Variants in FAT4 observed in about 807,000 individuals in gnomAD.
FAT4 encodes protocadherin Fat 4.
A neutral mutation model predicts 303.9 loss-of-function variants in FAT4; 84 were observed. The observed-to-expected ratio is 0.28, with a 90% confidence interval of 0.23 to 0.33. The LOEUF is 0.33. FAT4 is among the 10% of genes least tolerant of loss of function. The pLI is 1.00. For missense variants in FAT4, 6,005 were observed against 6,146.8 expected (o/e 0.98, Z 0.77); for synonymous variants, 2,307 against 2,298.8 (o/e 1.00, Z -0.10).
chr4:125,348,783 G>T (rs1037350574), intron 2 of FAT4, among the ~76,000 whole-genome samples: 3 of 151,522 alleles, frequency 2.0e-5, no homozygotes, highest in Non-Finnish European at 3.0e-5. Context: ...TTCCTAAAAG[G>T]GTGTGCTGAG....
At chr4:125,375,901 AT>A (rs570264524) in intron 2 of FAT4, among the ~76,000 whole-genome samples, 2 of 151,826 alleles carry the variant, frequency 1.3e-5, no homozygotes, top group Admixed American at 6.6e-5. Context: ...GCAAAACTGC[AT>A]TTTTTTTGCA....
rs138137489 is a variant in FAT4 at position 125,408,609 on chromosome 4, A to G, written c.5735A>G (p.Tyr1912Cys). ...RLLDYEVQQY[Y>C]ILTVRAEDGG... Reference sequence around the variant, plus strand: ...TTAGATTATGAAGTACAGCAATATTATATCCTCACTGTTCGAGCAGAAGAT... The same window carrying G: ...TTAGATTATGAAGTACAGCAATATTGTATCCTCACTGTTCGAGCAGAAGAT... The change falls in exon 5 of 18, where the codon TAT becomes TGT. Residue 1912 changes from tyrosine (Y) to cysteine (C), a missense_variant. Transcript: ENST00000394329. 35 of 1,612,864 alleles carry G rather than the reference A, an allele frequency of 2.2e-5. No individual in the cohort carries two copies. Among genetic ancestry groups the G allele is most frequent in the Non-Finnish European group, 3.0e-5 (35 of 1,179,254 alleles).
intron 16 of FAT4, among the ~76,000 whole-genome samples, chr4:125,483,893 T>G (rs144436425): frequency 6.6e-6 from 1 of 151,762 alleles, no homozygotes; most frequent in Non-Finnish European, 1.5e-5. Context: ...GATGGACTTT[T>G]ACTTATCAAT....
In FAT4 at chr4:125,317,526, A is replaced by G. The variant is rs1396930165; in HGVS notation, c.1115A>G (p.Gln372Arg). Residue 372 changes from glutamine to arginine, a missense_variant, in exon 2 of 18, where the codon CAA (glutamine) becomes CGA (arginine). Transcript: ENST00000394329. This position sits in a 1 kb window ranked among gnomAD's most constrained non-coding sequence, Gnocchi z 7.0. ...TACGCCTCGGTAGATGAGAATGCTC[A>G]AGTGGGCACCGTGGTGGCTCTGCTC... ...SRYASVDENA[Q>R]VGTVVALLTV... 1.9e-6 allele frequency: 3 copies of G among 1,613,712 alleles called. No individual in the cohort carries two copies. Among genetic ancestry groups the G allele is most frequent in the East Asian group, 2.2e-5 (1 of 44,848 alleles).
Position 125,317,502 on chromosome 4 carries a change from A to G in FAT4, c.1091A>G (p.Tyr364Cys), listed in dbSNP as rs768582019. The G allele has an allele frequency of 5.0e-6, 8 of 1,613,720 alleles. No individual in the cohort carries two copies. The highest frequency in any genetic ancestry group is 6.8e-6 in the Non-Finnish European group (8 of 1,180,020). Residue 364 changes from tyrosine (Y) to cysteine (C), a missense_variant, in exon 2 of 18, where the codon TAC becomes TGC. Transcript: ENST00000394329. This position sits in a 1 kb window ranked among gnomAD's most constrained non-coding sequence, Gnocchi z 7.0. ...CGCTACTTCCCGGCCACCTCGCGCT[A>G]CGCCTCGGTAGATGAGAATGCTCAA... ...KFRYFPATSRYASVDENAQVG... is the reference protein window; with the variant it reads ...KFRYFPATSRCASVDENAQVG...
intron 8 of FAT4, among the ~76,000 whole-genome samples, chr4:125,445,783 A>G (rs938450980): frequency 6.6e-6 from 1 of 152,168 alleles, no homozygotes; most frequent in East Asian, 1.9e-4. Flanking sequence ...AGGTCTTTGT[A>G]TAAATAATCA....
At position 125,316,204 on chromosome 4, in the gene FAT4, T is replaced by C. The variant is rs955156424; in HGVS notation, c.-12-196T>C. Among the ~76,000 whole-genome samples, 12 of 152,092 alleles carry C rather than the reference T, an allele frequency of 7.9e-5. No homozygotes were observed. Among genetic ancestry groups the C allele is most frequent in the African/African-American group, 2.9e-4 (12 of 41,414 alleles). On this transcript the variant is annotated intron_variant, in intron 1 of 17. Coordinates refer to ENST00000394329, the MANE Select transcript of FAT4 (RefSeq NM_001291303.3). This position sits in a 1 kb window ranked among gnomAD's most constrained non-coding sequence, Gnocchi z 5.7. Reference sequence around the variant, plus strand: ...CCCTGCCGCTTTTCGCCACAGCATCTCTCTTGCACTCCGCGTTCAACTGGC... The same window carrying C: ...CCCTGCCGCTTTTCGCCACAGCATCCCTCTTGCACTCCGCGTTCAACTGGC...
intron 2 of FAT4, among the ~76,000 whole-genome samples, chr4:125,336,722 G>C (rs536687942): frequency 1.3e-5 from 2 of 151,926 alleles, no homozygotes; most frequent in Middle Eastern, 6.8e-3. Context: ...TGAGTAAGTG[G>C]TCTTAGTTGT....
intron 10 of FAT4, among the ~76,000 whole-genome samples, chr4:125,456,217 A>T (rs1234494014): frequency 6.6e-6 from 1 of 152,162 alleles, no homozygotes; most frequent in Non-Finnish European, 1.5e-5. Flanking sequence ...GCTCAGGAAG[A>T]TGTTATTATT....
At chr4:125,436,394 T>G (rs537289647) in intron 8 of FAT4, among the ~76,000 whole-genome samples, 1 of 152,190 alleles carries the variant, frequency 6.6e-6, no homozygotes, top group African/African-American at 2.4e-5. Flanking sequence ...ACTCATTCAT[T>G]TAGAGATACC....
intron 3 of FAT4, among the ~76,000 whole-genome samples, chr4:125,405,582 C>T (rs1734566235): frequency 6.6e-6 from 1 of 151,822 alleles, no homozygotes; most frequent in Non-Finnish European, 1.5e-5. Context: ...GCGATCTTGG[C>T]TCACTGCAAG....
intron 10 of FAT4, among the ~76,000 whole-genome samples, chr4:125,453,957 A>G (rs1177049682): frequency 6.6e-6 from 1 of 152,302 alleles, no homozygotes; most frequent in East Asian, 1.9e-4. Flanking sequence ...CCTATCTATT[A>G]GTTAATCAGT....
intron 14 of FAT4, among the ~76,000 whole-genome samples, chr4:125,478,537 T>C (rs937462070): frequency 6.6e-6 from 1 of 152,144 alleles, no homozygotes; most frequent in Non-Finnish European, 1.5e-5. Flanking sequence ...GTTTGTTTGT[T>C]TGTTTGCTTT....
chr4:125,457,864 T>G (rs7696523), intron 10 of FAT4, among the ~76,000 whole-genome samples: 1 of 151,692 alleles, frequency 6.6e-6, no homozygotes, highest in Admixed American at 6.6e-5. Context: ...TAACGACACA[T>G]GTAGTATTTA....
chr4:125,406,031 C>T (rs1202291115), intron 3 of FAT4, among the ~76,000 whole-genome samples: 4 of 152,020 alleles, frequency 2.6e-5, no homozygotes, highest in African/African-American at 9.7e-5. Context: ...GTTTGATATA[C>T]TTTCACTTGT....
rs376841464 is a variant in FAT4, at chr4:125,452,534, A to G, written c.11524A>G (p.Asn3842Asp). The G allele has an allele frequency of 6.2e-7, 1 of 1,614,024 alleles. No homozygotes were observed. Among genetic ancestry groups the G allele is most frequent in the African/African-American group, 1.3e-5 (1 of 74,930 alleles). ...GAGTCTTCCAGTCATCATCGTGGCA[A>G]ATGAACCTCTGCAGCCTTTCTTATG... ...RESLPVIIVA[N>D]EPLQPFLCKC... Residue 3842 changes from asparagine (N) to aspartate (D), a missense_variant, in exon 10 of 18, where the codon AAT becomes GAT. Asn to Asp is a conservative substitution (Grantham distance 23). Coordinates refer to ENST00000394329, the MANE Select transcript of FAT4 (RefSeq NM_001291303.3).
intron 7 of FAT4, among the ~76,000 whole-genome samples, chr4:125,422,689 C>G: frequency 6.6e-6 from 1 of 152,106 alleles, no homozygotes; most frequent in East Asian, 1.9e-4. Flanking sequence ...AGCTGCATGA[C>G]AGCAGACTAA....
chr4:125,478,521 G>A (rs1727111629), intron 14 of FAT4, among the ~76,000 whole-genome samples: 1 of 151,830 alleles, frequency 6.6e-6, no homozygotes, highest in South Asian at 2.1e-4. Context: ...CCAGAATGAT[G>A]TTTCTGTTTG....
At position 125,452,553 on chromosome 4, in the gene FAT4, T is replaced by C; in HGVS notation, c.11543T>C (p.Phe3848Ser). 2 of 1,614,186 alleles carry C rather than the reference T, an allele frequency of 1.2e-6. No homozygotes were observed. Among genetic ancestry groups the C allele is most frequent in the South Asian group, 2.2e-5 (2 of 91,088 alleles). Residue 3848 changes from phenylalanine to serine, a missense_variant, in exon 10 of 18, where the codon TTC becomes TCC. Transcript: ENST00000394329. ...GTGGCAAATGAACCTCTGCAGCCTT[T>C]CTTATGCAAGTGTCTGCCAGGATAT... The part of the protein sequence containing the change: ...IIVANEPLQP[F>S]LCKCLPGYAG...
Sources: gnomAD v4.1 joint callset for allele counts (sites outside exome capture counted in the v4.1 genomes callset) on GRCh38, gnomAD v4.1.1 for gene constraint, Gnocchi (gnomAD v3.1) non-coding constraint, MANE v1.5 for transcripts, NCBI Gene and HGNC (gene_info 2026-07-23, HGNC 2026-07-21) for gene names.